The following TPRG1 variants were observed in gnomAD, a reference collection of about 807,000 sequenced individuals.
The protein encoded by TPRG1 is tumor protein p63 regulated 1, also known as tumor protein p63-regulated gene 1 protein.
Under a neutral mutation model 29.3 loss-of-function variants are expected in TPRG1, and 29 were observed. That is an observed-to-expected ratio of 0.99 (90% CI 0.74 to 1.35). The LOEUF (loss-of-function observed/expected upper bound fraction) is 1.35, where lower values mean the gene tolerates loss of function less well. TPRG1 is among the 40% of genes most tolerant of loss of function. The pLI, the probability that TPRG1 is intolerant of heterozygous loss-of-function variation, is 0.00. For synonymous variants in TPRG1, 130 were observed against 116.8 expected (o/e 1.11, Z -0.73); for missense variants, 327 against 335.0 (o/e 0.98, Z 0.19).
At chr3:189,119,256 T>C (rs1235785700) in intron 1 of TPRG1, among the ~76,000 whole-genome samples, 2 of 152,182 alleles carry the variant, frequency 1.3e-5, no homozygotes, top group Non-Finnish European at 2.9e-5. Context: ...TTGGCCAATT[T>C]CTCCCATGTA....
At chr3:189,108,120 T>C (rs1025340326) in intron 1 of TPRG1, among the ~76,000 whole-genome samples, 6 of 152,204 alleles carry the variant, frequency 3.9e-5, no homozygotes, top group Admixed American at 2.6e-4. Context: ...TATCCAATTA[T>C]GTATGGTTCC....
chr3:189,181,079 GGCTGGAGTGGCTA>G (rs1730153796), intron 1 of TPRG1, among the ~76,000 whole-genome samples: 1 of 152,192 alleles, frequency 6.6e-6, no homozygotes, highest in Admixed American at 6.5e-5. Context: ...TTTCAGCCAT[GGCTGGAGTGGCTA>G]GCACACAGGG....
chr3:189,248,704 A>G (rs994796101), intron 4 of TPRG1, among the ~76,000 whole-genome samples: 8 of 151,210 alleles, frequency 5.3e-5, no homozygotes, highest in African/African-American at 1.9e-4. Context: ...AATAGATTGA[A>G]GTAACTTTAT....
intron 5 of TPRG1, among the ~76,000 whole-genome samples, chr3:189,161,791 T>G (rs1727525061): frequency 6.6e-6 from 1 of 152,178 alleles, no homozygotes; most frequent in African/African-American, 2.4e-5. Flanking sequence ...AATTATATTG[T>G]AAGGCAGATA....
intron 5 of TPRG1, among the ~76,000 whole-genome samples, chr3:189,152,169 G>GTTTTT (rs141121407): frequency 3.3e-4 from 49 of 148,660 alleles, no homozygotes; most frequent in African/African-American, 1.2e-3. Context: ...CTTAAGATCT[G>GTTTTT]TTTTTTTTTT....
intron 1 of TPRG1, among the ~76,000 whole-genome samples, chr3:189,106,179 A>G (rs1719803295): frequency 6.6e-6 from 1 of 152,180 alleles, no homozygotes; most frequent in Admixed American, 6.5e-5. Flanking sequence ...TAAAAGCAGT[A>G]TGAGATCATT....
chr3:189,222,859 C>G (rs1439041196), intron 3 of TPRG1, among the ~76,000 whole-genome samples: 1 of 152,162 alleles, frequency 6.6e-6, no homozygotes, highest in East Asian at 1.9e-4. Context: ...TATCCCTTGG[C>G]CTCATGATTG....
At chr3:189,158,245 T>G (rs1726961519) in intron 5 of TPRG1, among the ~76,000 whole-genome samples, 1 of 152,218 alleles carries the variant, frequency 6.6e-6, no homozygotes, top group Admixed American at 6.5e-5. Context: ...TCCTGTGGAC[T>G]AGGTTTCACT....
chr3:189,125,456 T>C (rs935086607), intron 1 of TPRG1, among the ~76,000 whole-genome samples: 4 of 152,224 alleles, frequency 2.6e-5, no homozygotes, highest in Admixed American at 1.3e-4. Context: ...TGTCAGACCA[T>C]ATGATCTTCT....
At chr3:189,192,257 AAG>A (rs1018390077) in intron 1 of TPRG1, among the ~76,000 whole-genome samples, 1 of 152,202 alleles carries the variant, frequency 6.6e-6, no homozygotes, top group Middle Eastern at 3.2e-3. Context: ...ATAATACCTG[AAG>A]AGAGAGACTC....
chr3:189,288,877 T>A (rs144540571), intron 4 of TPRG1, among the ~76,000 whole-genome samples: 1 of 152,274 alleles, frequency 6.6e-6, no homozygotes, highest in African/African-American at 2.4e-5. Flanking sequence ...CAGCATAAGA[T>A]GGTCTTGCAA....
Position 189,032,585 on chromosome 3 carries a change from C to CT in TPRG1, c.-463+8648dup, listed in dbSNP as rs199590341. The stretch of plus-strand genomic sequence containing the variant: ...GCTATTTATGTGTTATTAATCTCTC[C>CT]TTTTTTTTTCTTTTTTTTTATTATT... On this transcript the variant is annotated intron_variant, in intron 4 of 10. Coordinates refer to the TPRG1 transcript ENST00000433971. 7.1e-3 allele frequency among the ~76,000 whole-genome samples: 1,056 copies of CT among 148,714 alleles called. 41 individuals carry two copies. The East Asian group carries it at 0.12, about 16-fold the overall frequency.
chr3:189,312,773 A>G (rs553568202), intron 5 of TPRG1, among the ~76,000 whole-genome samples: 1 of 152,366 alleles, frequency 6.6e-6, no homozygotes, highest in East Asian at 1.9e-4. Flanking sequence ...GGTATGGAAT[A>G]TTATTTTCCA....
intron 1 of TPRG1, among the ~76,000 whole-genome samples, chr3:189,187,667 T>G (rs1731132184): frequency 6.6e-6 from 1 of 151,804 alleles, no homozygotes; most frequent in Admixed American, 6.6e-5. Flanking sequence ...ACTTGACATT[T>G]GAGAAAACTG....
intron 1 of TPRG1, among the ~76,000 whole-genome samples, chr3:189,186,852 G>A (rs1217528895): frequency 1.3e-5 from 2 of 151,930 alleles, no homozygotes; most frequent in Non-Finnish European, 1.5e-5. Context: ...CCCCACTATC[G>A]CTAGATTTCA....
chr3:189,162,552 C>T (rs1727626789), intron 5 of TPRG1, among the ~76,000 whole-genome samples: 1 of 152,080 alleles, frequency 6.6e-6, no homozygotes, highest in African/African-American at 2.4e-5. Context: ...GAGTTGGTAT[C>T]AGAATTTGGA....
chr3:189,067,552 G>A (rs1024933800), intron 4 of TPRG1, among the ~76,000 whole-genome samples: 1 of 152,004 alleles, frequency 6.6e-6, no homozygotes, highest in African/African-American at 2.4e-5. Flanking sequence ...CAAAGGTATC[G>A]AGAAAATACA....
intron 1 of TPRG1, among the ~76,000 whole-genome samples, chr3:189,176,259 G>A (rs1484892162): frequency 2.0e-5 from 3 of 152,192 alleles, no homozygotes; most frequent in South Asian, 4.1e-4. Flanking sequence ...ACGTATGTAG[G>A]TGATGTGACA....
chr3:188,998,940 A>G (rs569245262), intron 1 of TPRG1, among the ~76,000 whole-genome samples: 1 of 152,330 alleles, frequency 6.6e-6, no homozygotes, highest in East Asian at 1.9e-4. Context: ...TTTGTTGTGT[A>G]TTTCAAAGTA....
Sources: gnomAD v4.1 joint callset for allele counts (sites outside exome capture counted in the v4.1 genomes callset) on GRCh38, gnomAD v4.1.1 for gene constraint, MANE v1.5 for transcripts, NCBI Gene and HGNC (gene_info 2026-07-23, HGNC 2026-07-21) for gene names.